The following B3GALT1 variants were observed in gnomAD, a reference collection of about 807,000 sequenced individuals.
The protein encoded by B3GALT1 is beta-1,3-galactosyltransferase 1.
B3GALT1 carries 10 observed loss-of-function variants against 23.2 expected under a neutral mutation model. The observed-to-expected ratio is 0.43, with a 90% CI of 0.27 to 0.73. The LOEUF (loss-of-function observed/expected upper bound fraction) is 0.73. B3GALT1 is among the 30% of genes least tolerant of loss of function. The pLI is 0.21. For synonymous variants in B3GALT1, 156 were observed against 141.5 expected, an observed-to-expected ratio of 1.10 and a Z score of -0.73; for missense variants, 299 against 405.4, an observed-to-expected ratio of 0.74 and a Z score of 2.25.
intron 3 of B3GALT1, among the ~76,000 whole-genome samples, chr2:167,753,504 T>C (rs769527061): frequency 3.4e-4 from 52 of 152,236 alleles, no homozygotes; most frequent in Non-Finnish European, 5.3e-4. Context: ...TAAAAAGCCC[T>C]TGTGAAGCTT....
chr2:167,563,396 G>C (rs1684060704), intron 2 of B3GALT1, among the ~76,000 whole-genome samples: 1 of 137,000 alleles, frequency 7.3e-6, no homozygotes, highest in Non-Finnish European at 1.6e-5. Flanking sequence ...CGGGGCGGCT[G>C]GCCGGGCGGG....
chr2:167,669,724 C>G (rs954550601), intron 3 of B3GALT1, among the ~76,000 whole-genome samples: 1 of 151,958 alleles, frequency 6.6e-6, no homozygotes, highest in Non-Finnish European at 1.5e-5. Flanking sequence ...GAGAAGATAA[C>G]CAATTTTTTT....
intron 1 of B3GALT1, among the ~76,000 whole-genome samples, chr2:167,439,746 A>G (rs866461458): frequency 5.3e-5 from 8 of 152,090 alleles, no homozygotes; most frequent in South Asian, 2.1e-4. Flanking sequence ...CTATCTATTA[A>G]CTTTCCTGTG....
At chr2:167,848,610 A>G (rs748205817) in intron 4 of B3GALT1, among the ~76,000 whole-genome samples, 2 of 152,206 alleles carry the variant, frequency 1.3e-5, no homozygotes, top group Non-Finnish European at 2.9e-5. Flanking sequence ...AATAAAAGCC[A>G]TCTATGACAA....
chr2:167,673,452 G>A (rs962627647), intron 3 of B3GALT1, among the ~76,000 whole-genome samples: 1 of 152,058 alleles, frequency 6.6e-6, no homozygotes, highest in Non-Finnish European at 1.5e-5. Flanking sequence ...AGATCAAGGT[G>A]ATAATTATTA....
At chr2:167,447,443 A>T (rs150973221) in intron 1 of B3GALT1, among the ~76,000 whole-genome samples, 1 of 152,176 alleles carries the variant, frequency 6.6e-6, no homozygotes, top group Non-Finnish European at 1.5e-5. Context: ...TTGTTCAGCT[A>T]TGCCCTGTCT....
chr2:167,863,103 AT>A (rs572739295), intron 4 of B3GALT1, among the ~76,000 whole-genome samples: 4 of 151,502 alleles, frequency 2.6e-5, no homozygotes, highest in African/African-American at 4.9e-5. Context: ...GTTAAAAAAG[AT>A]TTTTTTTTAA....
At chr2:167,756,395 T>C (rs555654650) in intron 3 of B3GALT1, among the ~76,000 whole-genome samples, 1 of 152,098 alleles carries the variant, frequency 6.6e-6, no homozygotes, top group African/African-American at 2.4e-5. Context: ...CTGAAAAACA[T>C]GTTGGTCTAT....
At chr2:167,380,011 C>G (rs919224582) in intron 1 of B3GALT1, among the ~76,000 whole-genome samples, 1 of 152,162 alleles carries the variant, frequency 6.6e-6, no homozygotes, top group Non-Finnish European at 1.5e-5. Context: ...TGAGCTGGTT[C>G]TCTGAATGCC....
At chr2:167,324,245 C>T (rs1696856048) in intron 1 of B3GALT1, among the ~76,000 whole-genome samples, 3 of 151,844 alleles carry the variant, frequency 2.0e-5, no homozygotes, top group African/African-American at 7.3e-5. Flanking sequence ...ACATACAGTT[C>T]TTTTTTCTTT....
At chr2:167,702,431 G>A (rs1204677025) in intron 3 of B3GALT1, among the ~76,000 whole-genome samples, 1 of 152,130 alleles carries the variant, frequency 6.6e-6, no homozygotes, top group Non-Finnish European at 1.5e-5. Flanking sequence ...ATATGTTGAA[G>A]GGCAGAGGAT....
At chr2:167,391,313 G>A (rs370696017) in intron 1 of B3GALT1, among the ~76,000 whole-genome samples, 2 of 152,300 alleles carry the variant, frequency 1.3e-5, no homozygotes, top group South Asian at 2.1e-4. Context: ...TTTTAACTAT[G>A]TGAGCTCCCT....
chr2:167,706,992 T>G (rs1686976007), intron 3 of B3GALT1, among the ~76,000 whole-genome samples: 1 of 152,210 alleles, frequency 6.6e-6, no homozygotes, highest in African/African-American at 2.4e-5. Context: ...TTGGAATGCT[T>G]GATTTTGCAA....
At chr2:167,433,475 A>G (rs1451819444) in intron 1 of B3GALT1, among the ~76,000 whole-genome samples, 1 of 152,198 alleles carries the variant, frequency 6.6e-6, no homozygotes, top group East Asian at 1.9e-4. Flanking sequence ...TTGACAAAGG[A>G]AGAAAATGTA....
chr2:167,828,404 C>A (rs1198865135), intron 4 of B3GALT1, among the ~76,000 whole-genome samples: 1 of 152,162 alleles, frequency 6.6e-6, no homozygotes, highest in Non-Finnish European at 1.5e-5. Context: ...GGAAAGTGTT[C>A]TGTGGGAATG....
rs558837779 is a variant in B3GALT1 at position 167,631,769 on chromosome 2, CTTTTTTTTT to C, written c.-409-15129_-409-15121del. On this transcript the variant is annotated intron_variant, in intron 2 of 4. Transcript: ENST00000392690. Reference sequence around the variant, plus strand: ...TCTCACCTACCTCTCCTTTTCTTTTCTTTTTTTTTTTTTTTTTTTACTTAATCTCTTTTT... The same window carrying C: ...TCTCACCTACCTCTCCTTTTCTTTTCTTTTTTTTTTACTTAATCTCTTTTT... Among the ~76,000 whole-genome samples, 5 of 120,596 alleles carry C rather than the reference CTTTTTTTTT, an allele frequency of 4.1e-5. No individual in the cohort carries two copies. In the East Asian group the frequency reaches 1.8e-3, roughly 43 times the overall value. The allele number at this position is 120,596 out of a possible 152,430, so 79.1% of individuals were successfully genotyped here. A position where few individuals can be genotyped will look rare whatever the true frequency, so the allele number is the denominator to read the frequency against.
intron 2 of B3GALT1, among the ~76,000 whole-genome samples, chr2:167,531,558 A>T (rs1040188688): frequency 6.6e-6 from 1 of 152,134 alleles, no homozygotes; most frequent in Non-Finnish European, 1.5e-5. Context: ...TAACTACTAC[A>T]CAGCTTACTT....
chr2:167,435,366 A>G (rs1234078486), intron 1 of B3GALT1, among the ~76,000 whole-genome samples: 1 of 149,786 alleles, frequency 6.7e-6, no homozygotes, highest in Non-Finnish European at 1.5e-5. Context: ...TACCTAGAAT[A>G]ACACCTAAAA....
Position 167,869,777 on chromosome 2 carries a change from T to C in B3GALT1, c.738T>C (p.Asp246=), listed in dbSNP as rs753270689. 4 of 1,614,068 alleles carry C rather than the reference T, an allele frequency of 2.5e-6. No homozygotes were observed. Among genetic ancestry groups the C allele is most frequent in the Admixed American group, 1.7e-5 (1 of 60,012 alleles). ...GGACTGGCTACATCTTTTCAGCCGATGTAGCTGAACTCATTTACAAGACCT... is the reference window on the plus strand; with the variant it reads ...GGACTGGCTACATCTTTTCAGCCGACGTAGCTGAACTCATTTACAAGACCT... ...CSGTGYIFSA[D]VAELIYKTSL... Residue 246 remains aspartate (D), a synonymous_variant, in exon 5 of 5, where the codon GAT becomes GAC. Transcript: ENST00000392690. This position sits in a 1 kb window ranked among gnomAD's most constrained non-coding sequence, Gnocchi z 6.4.
Sources: gnomAD v4.1 joint callset for allele counts (sites outside exome capture counted in the v4.1 genomes callset) on GRCh38, gnomAD v4.1.1 for gene constraint, Gnocchi (gnomAD v3.1) non-coding constraint, MANE v1.5 for transcripts, NCBI Gene and HGNC (gene_info 2026-07-23, HGNC 2026-07-21) for gene names.